UBE2R2: variants seen among roughly 807,000 people sequenced by gnomAD.
UBE2R2 encodes ubiquitin-conjugating enzyme E2 R2.
In UBE2R2, 1 loss-of-function variant was observed where a neutral mutation model predicts 27.8. The ratio of observed to expected loss-of-function variants is 0.04; its 90% CI spans 0.01 to 0.17. The LOEUF (loss-of-function observed/expected upper bound fraction) is 0.17, where lower values mean the gene tolerates loss of function less well. Ranked by LOEUF, UBE2R2 falls within the 10% of genes least tolerant of loss-of-function variation. The pLI, the probability that UBE2R2 is intolerant of heterozygous loss-of-function variation, is 1.00. For missense variants in UBE2R2, 100 were observed against 291.0 expected (o/e 0.34, Z 4.78); for synonymous variants, 106 against 113.3 (o/e 0.94, Z 0.41).
intron 2 of UBE2R2, among the ~76,000 whole-genome samples, chr9:33,890,384 T>C (rs989779154): frequency 2.0e-5 from 3 of 152,010 alleles, no homozygotes; most frequent in African/African-American, 7.2e-5. Flanking sequence ...CTGGTCAACA[T>C]GGTGAAACCC....
At chr9:33,860,486 A>G (rs1359427720) in intron 1 of UBE2R2, among the ~76,000 whole-genome samples, 2 of 152,234 alleles carry the variant, frequency 1.3e-5, no homozygotes, top group African/African-American at 4.8e-5. Flanking sequence ...TGTGCTTGAA[A>G]TCAGAATTTT....
At chr9:33,898,970 A>G (rs539055270) in intron 2 of UBE2R2, among the ~76,000 whole-genome samples, 1 of 152,346 alleles carries the variant, frequency 6.6e-6, no homozygotes, top group African/African-American at 2.4e-5. Context: ...GAAGCAAAAT[A>G]TAATAGCCAT....
At chr9:33,878,322 T>TAC (rs1340260097) in intron 1 of UBE2R2, among the ~76,000 whole-genome samples, 2 of 151,872 alleles carry the variant, frequency 1.3e-5, no homozygotes, top group Non-Finnish European at 2.9e-5. Flanking sequence ...CAGTTGTAAG[T>TAC]AAAGGAAGGC....
chr9:33,847,195 T>G (rs1439697246), intron 1 of UBE2R2, among the ~76,000 whole-genome samples: 1 of 152,046 alleles, frequency 6.6e-6, no homozygotes, highest in Admixed American at 6.6e-5. Context: ...CCACCCGAAT[T>G]CAGGCGATTT....
At chr9:33,911,419 A>AAAC (rs1822485467) in intron 3 of UBE2R2, among the ~76,000 whole-genome samples, 1 of 142,680 alleles carries the variant, frequency 7.0e-6, no homozygotes, top group Non-Finnish European at 1.6e-5. Context: ...AAAAAAAAAA[A>AAAC]AAAAAAAAAA....
chr9:33,818,320 A>G (rs1825873355), intron 1 of UBE2R2, among the ~76,000 whole-genome samples: 1 of 118,294 alleles, frequency 8.5e-6, no homozygotes, highest in Non-Finnish European at 1.6e-5. Context: ...GAACTGCCCC[A>G]GAGGGCAGGG....
At chr9:33,841,261 G>C (rs1290781737) in intron 1 of UBE2R2, among the ~76,000 whole-genome samples, 1 of 152,066 alleles carries the variant, frequency 6.6e-6, no homozygotes, top group Non-Finnish European at 1.5e-5. Context: ...TGGATTATTA[G>C]TAGAGACGGA....
intron 1 of UBE2R2, among the ~76,000 whole-genome samples, chr9:33,859,760 T>TTGTGTGTGTGTGTGTGTGTGTG (rs57089790): frequency 7.7e-6 from 1 of 130,614 alleles, no homozygotes; most frequent in Non-Finnish European, 1.6e-5. Context: ...TCTAAGCCTT[T>TTGTGTGTGTGTGTGTGTGTGTG]TGTGTGTGTG....
chr9:33,860,412 CT>C (rs1821203124), intron 1 of UBE2R2, among the ~76,000 whole-genome samples: 1 of 152,204 alleles, frequency 6.6e-6, no homozygotes, highest in Non-Finnish European at 1.5e-5. Context: ...CGCCCTACCA[CT>C]CTTTGGCTGT....
At chr9:33,897,705 G>A (rs546195683) in intron 2 of UBE2R2, among the ~76,000 whole-genome samples, 1 of 151,608 alleles carries the variant, frequency 6.6e-6, no homozygotes, top group Admixed American at 6.6e-5. Context: ...CAACAACAAA[G>A]CCTTTTATCT....
At chr9:33,864,589 G>A (rs890989288) in intron 1 of UBE2R2, among the ~76,000 whole-genome samples, 2 of 151,974 alleles carry the variant, frequency 1.3e-5, no homozygotes, top group African/African-American at 4.8e-5. Flanking sequence ...TTGCTTTGTC[G>A]CCCAGGGTGG....
At chr9:33,859,009 A>G (rs1040488496) in intron 1 of UBE2R2, among the ~76,000 whole-genome samples, 1 of 151,898 alleles carries the variant, frequency 6.6e-6, no homozygotes, top group Admixed American at 6.6e-5. Flanking sequence ...TATTTTTAGT[A>G]GAGACAGGGT....
chr9:33,916,589 G>T (rs369729406), intron 4 of UBE2R2, among the ~76,000 whole-genome samples: 4 of 152,126 alleles, frequency 2.6e-5, no homozygotes, highest in African/African-American at 9.7e-5. Flanking sequence ...AGGCGTATTA[G>T]CCCTTCTATT....
intron 4 of UBE2R2, among the ~76,000 whole-genome samples, chr9:33,913,570 C>G (rs770341041): frequency 6.6e-6 from 1 of 152,124 alleles, no homozygotes; most frequent in Non-Finnish European, 1.5e-5. Flanking sequence ...CCTCCACCCC[C>G]CTTGATATTA....
At chr9:33,818,257 G>T (rs1241123536) in intron 1 of UBE2R2, among the ~76,000 whole-genome samples, 2 of 152,032 alleles carry the variant, frequency 1.3e-5, no homozygotes, top group East Asian at 3.9e-4. Context: ...AAAGAGCGGT[G>T]GTCTATCTGT....
intron 1 of UBE2R2, among the ~76,000 whole-genome samples, chr9:33,830,158 A>T (rs1420003395): frequency 3.7e-5 from 5 of 135,394 alleles, no homozygotes; most frequent in South Asian, 2.3e-4. Flanking sequence ...AAGTTTCATA[A>T]TTTTTTTTTT....
At chr9:33,860,404 C>T (rs1248989183) in intron 1 of UBE2R2, among the ~76,000 whole-genome samples, 1 of 152,134 alleles carries the variant, frequency 6.6e-6, no homozygotes, top group South Asian at 2.1e-4. Flanking sequence ...TGTTACTACG[C>T]CCTACCACTC....
At chr9:33,848,562 T>C (rs1238475064) in intron 1 of UBE2R2, among the ~76,000 whole-genome samples, 1 of 152,136 alleles carries the variant, frequency 6.6e-6, no homozygotes, top group Non-Finnish European at 1.5e-5. Flanking sequence ...CTACAGAAGA[T>C]TGAATTCTGT....
chr9:33,822,847 G>A (rs759157635), intron 1 of UBE2R2, among the ~76,000 whole-genome samples: 1 of 150,812 alleles, frequency 6.6e-6, no homozygotes, highest in Non-Finnish European at 1.5e-5. Flanking sequence ...ACTTAGCCTA[G>A]ATCTGGCAAT....
Sources: gnomAD v4.1 joint callset for allele counts (sites outside exome capture counted in the v4.1 genomes callset) on GRCh38, gnomAD v4.1.1 for gene constraint, MANE v1.5 for transcripts, NCBI Gene and HGNC (gene_info 2026-07-23, HGNC 2026-07-21) for gene names.